The following RSU1 variants were observed in gnomAD, a reference collection of about 807,000 sequenced individuals.
RSU1 encodes the protein Ras suppressor protein 1, also known as rsu-1.
A neutral mutation model predicts 31.1 loss-of-function variants in RSU1; 26 were observed. The observed-to-expected ratio is 0.84, with a 90% CI of 0.61 to 1.16. The LOEUF (loss-of-function observed/expected upper bound fraction) is 1.16, where lower values mean the gene tolerates loss of function less well. RSU1 is among the 50% of genes most tolerant of loss of function. The pLI is 0.00. For missense variants in RSU1, 320 were observed against 339.1 expected (o/e 0.94, Z 0.44); for synonymous variants, 164 against 136.3 (o/e 1.20, Z -1.41).
In RSU1 at chr10:16,592,410, A is replaced by G. The variant is rs543911429; in HGVS notation, c.*984T>C. 1 of 152,314 alleles carries G rather than the reference A, an allele frequency of 6.6e-6. No individual in the cohort carries two copies. Among genetic ancestry groups the G allele is most frequent in the South Asian group, 2.1e-4 (1 of 4,824 alleles). 9.4% of individuals were successfully genotyped at this position (152,314 alleles called of 1,614,324 possible). A position where few individuals can be genotyped will look rare whatever the true frequency, so the allele number is the denominator to read the frequency against. ...AGGAAAGCTGCCTATCACAGATGTT[A>G]AACAAACAATTGATTGTTTAATGAC... On this transcript the variant is annotated 3_prime_UTR_variant, in exon 9 of 9. Coordinates refer to ENST00000345264, the MANE Select transcript of RSU1 (RefSeq NM_012425.4).
At chr10:16,616,989 A>G (rs1833988561) in intron 8 of RSU1, among the ~76,000 whole-genome samples, 1 of 152,250 alleles carries the variant, frequency 6.6e-6, no homozygotes, top group African/African-American at 2.4e-5. Flanking sequence ...AGCTCTGGCC[A>G]GGGCAATCAG....
At chr10:16,635,929 C>T (rs1161864437) in intron 8 of RSU1, among the ~76,000 whole-genome samples, 1 of 152,180 alleles carries the variant, frequency 6.6e-6, no homozygotes, top group Non-Finnish European at 1.5e-5. Context: ...GCAAAGCGAA[C>T]AACGTTTATC....
At chr10:16,779,016 C>G (rs1163849964) in intron 3 of RSU1, among the ~76,000 whole-genome samples, 5 of 152,204 alleles carry the variant, frequency 3.3e-5, no homozygotes, top group Non-Finnish European at 7.3e-5. Flanking sequence ...TTGTTGCATT[C>G]AAAGTTAGTA....
chr10:16,624,948 A>T (rs938643327), intron 8 of RSU1, among the ~76,000 whole-genome samples: 1 of 152,208 alleles, frequency 6.6e-6, no homozygotes, highest in African/African-American at 2.4e-5. Flanking sequence ...GTTCTTAATT[A>T]AGAACTCTAA....
intron 8 of RSU1, among the ~76,000 whole-genome samples, chr10:16,689,800 C>T (rs45613536): frequency 0.029 from 4,481 of 152,020 alleles, 134 homozygotes; most frequent in Non-Finnish European, 0.04. Flanking sequence ...GGAACTTTTC[C>T]GGAGAGAGAA....
chr10:16,752,324 CAG>C (rs1352191260), intron 7 of RSU1, among the ~76,000 whole-genome samples: 63 of 152,258 alleles, frequency 4.1e-4, no homozygotes, highest in Middle Eastern at 6.8e-3. Context: ...GTTTCTAAGA[CAG>C]GGGACACTAC....
At chr10:16,757,731 G>C (rs1195726822) in intron 4 of RSU1, among the ~76,000 whole-genome samples, 1 of 152,202 alleles carries the variant, frequency 6.6e-6, no homozygotes, top group Non-Finnish European at 1.5e-5. Flanking sequence ...GGCCAAAGCT[G>C]CTCCAGACCC....
At chr10:16,620,799 C>T (rs376402618) in intron 8 of RSU1, among the ~76,000 whole-genome samples, 5 of 151,082 alleles carry the variant, frequency 3.3e-5, no homozygotes, top group African/African-American at 4.9e-5. Flanking sequence ...CAGCTGAGAT[C>T]GCGCCACTGC....
At chr10:16,667,184 C>T (rs370351034) in intron 8 of RSU1, among the ~76,000 whole-genome samples, 1 of 152,180 alleles carries the variant, frequency 6.6e-6, no homozygotes, top group South Asian at 2.1e-4. Context: ...GTTAGTTAAT[C>T]TGAAATCATC....
At chr10:16,813,665 T>C (rs12358160) in intron 2 of RSU1, among the ~76,000 whole-genome samples, 3,972 of 152,326 alleles carry the variant, frequency 0.026, 60 homozygotes, top group Non-Finnish European at 0.038. Flanking sequence ...CAGTACTAAC[T>C]AGCAGAATTT....
At chr10:16,629,052 C>T (rs1403126891) in intron 8 of RSU1, among the ~76,000 whole-genome samples, 1 of 152,158 alleles carries the variant, frequency 6.6e-6, no homozygotes, top group African/African-American at 2.4e-5. Flanking sequence ...ACACCGCTGC[C>T]ATGGAGTGAA....
chr10:16,687,204 A>G (rs563614225), intron 8 of RSU1, among the ~76,000 whole-genome samples: 5 of 152,324 alleles, frequency 3.3e-5, no homozygotes, highest in Admixed American at 6.5e-5. Flanking sequence ...GTCTTCAGGA[A>G]TACAGCTAGT....
intron 8 of RSU1, among the ~76,000 whole-genome samples, chr10:16,658,086 C>T (rs191432949): frequency 6.6e-6 from 1 of 152,322 alleles, no homozygotes; most frequent in Admixed American, 6.5e-5. Context: ...GATAACAGGG[C>T]TCAGTTGCTT....
intron 8 of RSU1, among the ~76,000 whole-genome samples, chr10:16,677,126 A>G (rs1835249289): frequency 2.0e-5 from 3 of 152,234 alleles, no homozygotes. Flanking sequence ...GGGTATCAAC[A>G]TAAACTTAAC....
At chr10:16,764,208 A>C (rs762378088) in intron 4 of RSU1, among the ~76,000 whole-genome samples, 182 bp downstream of exon 4, 1 of 152,210 alleles carries the variant, frequency 6.6e-6, no homozygotes, top group Non-Finnish European at 1.5e-5. Flanking sequence ...TCAAATATGC[A>C]CTAATGTAGG....
At chr10:16,767,299 A>G (rs1372180849) in intron 3 of RSU1, 2 of 152,238 alleles carry the variant, frequency 1.3e-5, no homozygotes, top group African/African-American at 4.8e-5. Flanking sequence ...AGCCAGAATT[A>G]CTGCCGTCTT....
chr10:16,683,864 C>T (rs1372464003), intron 8 of RSU1, among the ~76,000 whole-genome samples: 10 of 152,174 alleles, frequency 6.6e-5, no homozygotes, highest in South Asian at 2.1e-4. Context: ...TGTTCAACTT[C>T]GAACAATTCG....
At chr10:16,662,399 C>T (rs1437174766) in intron 8 of RSU1, among the ~76,000 whole-genome samples, 2 of 152,200 alleles carry the variant, frequency 1.3e-5, no homozygotes, top group Non-Finnish European at 2.9e-5. Flanking sequence ...ATACACACTA[C>T]ACACCTAAAA....
intron 7 of RSU1, among the ~76,000 whole-genome samples, chr10:16,718,993 A>G (rs902925005): frequency 4.6e-5 from 7 of 151,808 alleles, no homozygotes; most frequent in African/African-American, 1.7e-4. Context: ...AAAAAAAAAA[A>G]AAAAAAATTA....
Sources: gnomAD v4.1 joint callset for allele counts (sites outside exome capture counted in the v4.1 genomes callset) on GRCh38, gnomAD v4.1.1 for gene constraint, MANE v1.5 for transcripts, NCBI Gene and HGNC (gene_info 2026-07-23, HGNC 2026-07-21) for gene names.